Variants in TTBK2 observed in about 807,000 individuals in gnomAD.
TTBK2 encodes tau tubulin kinase 2.
Under a neutral mutation model 110.8 loss-of-function variants are expected in TTBK2, and 28 were observed. That is an observed-to-expected ratio of 0.25 (90% CI 0.19 to 0.35). The LOEUF is 0.35. Among genes scored for constraint, TTBK2 ranks in the 10% least tolerant of loss-of-function variants. The pLI is 1.00. For synonymous variants in TTBK2, 532 were observed against 527.3 expected (o/e 1.01, Z -0.12); for missense variants, 1,369 against 1,500.3 (o/e 0.91, Z 1.45).
rs369253321 is a variant in TTBK2 at position 42,845,321 on chromosome 15, C to T, written c.218-4888G>A. ...CTTGGTATCCATGGAGGACTGGTTC[C>T]AAGACCTTCCTTGGATACCAAAATC... On this transcript the variant is annotated intron_variant, in intron 3 of 14. Transcript: ENST00000267890. 2.6e-5 allele frequency among the ~76,000 whole-genome samples: 4 copies of T among 152,150 alleles called. No individual in the cohort carries two copies. In the East Asian group the frequency reaches 5.8e-4, roughly 22 times the overall value.
At chr15:42,823,226 G>A (rs1262808286) in intron 6 of TTBK2, among the ~76,000 whole-genome samples, 1 of 152,212 alleles carries the variant, frequency 6.6e-6, no homozygotes, top group Non-Finnish European at 1.5e-5. Context: ...GCCAGTGTGA[G>A]ATGCCAGCTG....
chr15:42,788,395 T>C (rs777006127), intron 10 of TTBK2, among the ~76,000 whole-genome samples: 1 of 152,142 alleles, frequency 6.6e-6, no homozygotes, highest in African/African-American at 2.4e-5. Flanking sequence ...TCAGAAAACA[T>C]ACATATGATC....
At chr15:42,825,709 C>T (rs776316488) in intron 6 of TTBK2, among the ~76,000 whole-genome samples, 2 of 152,012 alleles carry the variant, frequency 1.3e-5, no homozygotes, top group Non-Finnish European at 1.5e-5. Flanking sequence ...AGCGAGACTC[C>T]ATCTCGAAAA....
chr15:42,882,882 AG>A (rs1475413099), intron 1 of TTBK2, among the ~76,000 whole-genome samples: 1 of 152,224 alleles, frequency 6.6e-6, no homozygotes, highest in Non-Finnish European at 1.5e-5. Flanking sequence ...AGAATTGTCA[AG>A]GAAAGTTCTT....
intron 9 of TTBK2, among the ~76,000 whole-genome samples, chr15:42,807,549 C>T (rs2140915554): frequency 6.6e-6 from 1 of 152,042 alleles, no homozygotes; most frequent in South Asian, 2.1e-4. Flanking sequence ...GCCGGGACTA[C>T]AGGTGCATGC....
At position 42,746,234 on chromosome 15, in the gene TTBK2, C is replaced by G; in HGVS notation, c.3296G>C (p.Gly1099Ala). 1 of 1,613,682 alleles carries G rather than the reference C, an allele frequency of 6.2e-7. No homozygotes were observed. Among genetic ancestry groups the G allele is most frequent in the Non-Finnish European group, 8.5e-7 (1 of 1,179,776 alleles). ...AAGGTCTGAGTCGGAGTTACTACTC[C>G]CTAGGACTTTATATCTGCGTAGCCT... The part of the protein sequence containing the change: ...EARLRRYKVL[G>A]SSNSDSDLFS... The change falls in exon 15 of 15, where the codon GGG becomes GCG. Residue 1099 changes from glycine (G) to alanine (A), a missense_variant. Gly to Ala is a moderately conservative substitution (Grantham distance 60). This residue lies in a region of TTBK2 where 1,097 missense variants were observed against 1,114.7 expected (regional missense o/e 0.98). Coordinates refer to ENST00000267890, the MANE Select transcript of TTBK2 (RefSeq NM_173500.4).
At chr15:42,839,080 G>A (rs1006814947) in intron 4 of TTBK2, among the ~76,000 whole-genome samples, 1 of 152,012 alleles carries the variant, frequency 6.6e-6, no homozygotes, top group African/African-American at 2.4e-5. Flanking sequence ...GTAGTTTTTC[G>A]ACCCTCATCC....
rs147919640 is a variant in TTBK2 at position 42,743,039 on chromosome 15, C to T, written c.*2756G>A. 1.3e-3 allele frequency: 203 copies of T among 152,252 alleles called. No individual in the cohort carries two copies. Among genetic ancestry groups the T allele is most frequent in the African/African-American group, 4.8e-3 (199 of 41,526 alleles). The allele number at this position is 152,252 out of a possible 1,614,324, so 9.4% of individuals were successfully genotyped here. ...GAGACATCTAAAAGCGCAAACTATG[C>T]TTGTAAAAACCAAAAAGTAAATCTC... is the stretch of plus-strand genomic sequence containing the variant. On this transcript the variant is annotated 3_prime_UTR_variant, in exon 15 of 15. Transcript: ENST00000267890.
At position 42,817,367 on chromosome 15, in the gene TTBK2, T is replaced by C. The variant is rs186370173; in HGVS notation, c.538-270A>G. 2.4e-4 allele frequency among the ~76,000 whole-genome samples: 37 copies of C among 152,326 alleles called. No individual in the cohort carries two copies. The East Asian group carries it at 6.6e-3, about 27-fold the overall frequency. On this transcript the variant is annotated intron_variant, in intron 6 of 14. Coordinates refer to ENST00000267890, the MANE Select transcript of TTBK2 (RefSeq NM_173500.4). ...AATACAGAGGCATTTATGACATCTA[T>C]ACAATTCTCTATATTAGAAAACATT... is the stretch of plus-strand genomic sequence containing the variant.
chr15:42,806,082 G>A (rs976403072), intron 9 of TTBK2, among the ~76,000 whole-genome samples: 5 of 152,180 alleles, frequency 3.3e-5, no homozygotes, highest in African/African-American at 9.6e-5. Flanking sequence ...TGGCCAACAT[G>A]GCAAAACCCT....
At chr15:42,895,178 A>G (rs1487365197) in intron 1 of TTBK2, among the ~76,000 whole-genome samples, 2 of 152,238 alleles carry the variant, frequency 1.3e-5, no homozygotes, top group East Asian at 3.8e-4. Flanking sequence ...TCTAAAATCT[A>G]TGTGGATAAG....
chr15:42,741,044 T>C lies in TTBK2; in HGVS notation c.*4751A>G, dbSNP rs2061746802. 6.6e-6 allele frequency: 1 copy of C among 152,224 alleles called. No homozygotes were observed. The highest frequency in any genetic ancestry group is 1.5e-5 in the Non-Finnish European group (1 of 68,040). The allele number at this position is 152,224 out of a possible 1,614,324, so 9.4% of individuals were successfully genotyped here. A position where few individuals can be genotyped will look rare whatever the true frequency, so the allele number is the denominator to read the frequency against. On this transcript the variant is annotated 3_prime_UTR_variant, in exon 15 of 15. Coordinates refer to ENST00000267890, the MANE Select transcript of TTBK2 (RefSeq NM_173500.4). Reference sequence around the variant, plus strand: ...ACCTAAGAACTATAGGAATTCTCCATGTACCTCCTACAGTTTTTCTAGCAG... The same window carrying C: ...ACCTAAGAACTATAGGAATTCTCCACGTACCTCCTACAGTTTTTCTAGCAG...
chr15:42,775,390 C>T lies in TTBK2; in HGVS notation c.1743G>A (p.Glu581=). 6.2e-7 allele frequency: 1 copy of T among 1,614,220 alleles called. No homozygotes were observed. The highest frequency in any genetic ancestry group is 8.5e-7 in the Non-Finnish European group (1 of 1,180,048). The part of the protein sequence containing the change: ...GHKTTGSPSD[E]EPEVLQVLEA... The stretch of plus-strand genomic sequence containing the variant: ...CCAGGACTTGAAGTACTTCAGGCTC[C>T]TCATCAGAAGGACTTCCAGTTGTTT... The change falls in exon 13 of 15, where the codon GAG becomes GAA. Residue 581 remains glutamate, a synonymous_variant. Transcript: ENST00000267890.
At chr15:42,810,812 C>G in intron 8 of TTBK2, 73 bp from the exon 9 acceptor site, 1 of 1,564,348 alleles carries the variant, frequency 6.4e-7, no homozygotes, top group Non-Finnish European at 8.8e-7. Context: ...CCTCAGTAAC[C>G]GTCTCAAGGG....
intron 9 of TTBK2, among the ~76,000 whole-genome samples, chr15:42,797,174 CCCCA>C (rs1890980387): frequency 6.6e-6 from 1 of 152,216 alleles, no homozygotes; most frequent in African/African-American, 2.4e-5. Flanking sequence ...AAGGTGGAAT[CCCCA>C]TACAGGGGAG....
intron 1 of TTBK2, among the ~76,000 whole-genome samples, chr15:42,912,343 C>T (rs908043553): frequency 6.6e-6 from 1 of 152,136 alleles, no homozygotes. Flanking sequence ...TAATAAACTC[C>T]TACATTTAGG....
chr15:42,800,983 AGGACTCAGACACTAGC>A, intron 9 of TTBK2: 1 of 759,278 alleles, frequency 1.3e-6, no homozygotes, highest in South Asian at 1.4e-5. Context: ...AGGACGTTGG[AGGACTCAGACACTAGC>A]TTCCCATCAC....
At chr15:42,825,562 G>T (rs1264045732) in intron 6 of TTBK2, among the ~76,000 whole-genome samples, 2 of 151,846 alleles carry the variant, frequency 1.3e-5, no homozygotes, top group Non-Finnish European at 2.9e-5. Context: ...AACGCAAAAA[G>T]AAATTAGCTG....
At chr15:42,785,340 C>T (rs1309783670) in intron 10 of TTBK2, among the ~76,000 whole-genome samples, 3 of 152,034 alleles carry the variant, frequency 2.0e-5, no homozygotes. Flanking sequence ...AGGCTGGTCT[C>T]GAACTCCTGG....
Sources: allele counts gnomAD v4.1 joint callset (sites outside exome capture counted in the v4.1 genomes callset), GRCh38; gene constraint gnomAD v4.1.1; regional missense constraint gnomAD v4.1.1; transcripts MANE v1.5; gene names NCBI Gene and HGNC (gene_info 2026-07-23, HGNC 2026-07-21).